Variants in EP300 observed in about 807,000 individuals in gnomAD.
EP300 encodes the protein histone acetyltransferase p300.
A neutral mutation model predicts 264.0 loss-of-function variants in EP300; 31 were observed. The ratio of observed to expected loss-of-function variants is 0.12; its 90% CI spans 0.09 to 0.16. The LOEUF (loss-of-function observed/expected upper bound fraction) is 0.16, where lower values mean the gene tolerates loss of function less well. EP300 is among the 10% of genes least tolerant of loss of function. The pLI is 1.00. For missense variants in EP300, 2,766 were observed against 3,052.9 expected, an observed-to-expected ratio of 0.91 and a Z score of 2.21; for synonymous variants, 1,340 against 1,045.4, an observed-to-expected ratio of 1.28 and a Z score of -5.44.
At chr22:41,114,172 TTTGTTG>T (rs777548118) in intron 1 of EP300, among the ~76,000 whole-genome samples, 15 of 150,496 alleles carry the variant, frequency 1.0e-4, no homozygotes, top group African/African-American at 2.4e-4. Flanking sequence ...CATTTGGGTA[TTTGTTG>T]TTGTTGTTGT....
intron 1 of EP300, among the ~76,000 whole-genome samples, chr22:41,115,256 T>C (rs572023499): frequency 6.6e-6 from 1 of 152,290 alleles, no homozygotes; most frequent in South Asian, 2.1e-4. Flanking sequence ...CAGTTTTGAT[T>C]GTCACAATTG....
At position 41,178,638 on chromosome 22, in the gene EP300, T is replaced by C; in HGVS notation, c.6927T>C (p.Ser2309=). ...IPNSLSNQVR[S]PQPVPSPRPQ... The stretch of plus-strand genomic sequence containing the variant: ...ATTCTCTCTCCAATCAAGTGCGCTC[T>C]CCCCAGCCTGTCCCTTCTCCACGGC... The change falls in exon 31 of 31, where the codon TCT becomes TCC. Residue 2309 remains serine (S), a synonymous_variant. Transcript: ENST00000263253. The C allele has an allele frequency of 6.2e-7, 1 of 1,613,962 alleles. No individual in the cohort carries two copies.
rs752160621 is a variant in EP300, at chr22:41,127,797, G to T, written c.1168+49G>T. 6 of 1,609,458 alleles carry T rather than the reference G, an allele frequency of 3.7e-6. No homozygotes were observed. In the East Asian group the frequency reaches 1.3e-4, roughly 36 times the overall value. ...GTACTTAGCAATTTTTACAGCCAGGGAGAAGAAGGAAAATGTGATCAAGTC... is the reference window on the plus strand; with the variant it reads ...GTACTTAGCAATTTTTACAGCCAGGTAGAAGAAGGAAAATGTGATCAAGTC... On this transcript the variant is annotated intron_variant, in intron 4 of 30. Transcript: ENST00000263253.
intron 19 of EP300, chr22:41,160,166 C>T (rs1217667678): frequency 2.3e-5 from 4 of 176,910 alleles, no homozygotes; most frequent in Non-Finnish European, 4.9e-5. Flanking sequence ...CATCACATAG[C>T]GTTAATTGCT....
At chr22:41,118,426 A>G (rs1172343898) in intron 2 of EP300, among the ~76,000 whole-genome samples, 2 of 152,256 alleles carry the variant, frequency 1.3e-5, no homozygotes, top group African/African-American at 4.8e-5. Flanking sequence ...TAAATAAGGC[A>G]TAATCACACA....
At chr22:41,165,066 C>T (rs2059127035) in intron 22 of EP300, among the ~76,000 whole-genome samples, 1 of 152,102 alleles carries the variant, frequency 6.6e-6, no homozygotes, top group South Asian at 2.1e-4. Flanking sequence ...CTTTTTTTCA[C>T]CGTTATTTTC....
chr22:41,139,357 T>C (rs2058969410), intron 8 of EP300, among the ~76,000 whole-genome samples: 1 of 152,238 alleles, frequency 6.6e-6, no homozygotes, highest in Non-Finnish European at 1.5e-5. Context: ...CGATCTCTTA[T>C]TTTGTGACAG....
chr22:41,132,991 ATATCTAAG>A (rs1481038269), intron 6 of EP300, among the ~76,000 whole-genome samples: 1 of 152,202 alleles, frequency 6.6e-6, no homozygotes, highest in African/African-American at 2.4e-5. Context: ...AGCAGTTCAA[ATATCTAAG>A]CTATTTTGTT....
intron 3 of EP300, among the ~76,000 whole-genome samples, chr22:41,126,729 C>CTT (rs71328775): frequency 0.064 from 3,113 of 48,748 alleles, 749 homozygotes; most frequent in Admixed American, 0.077. Context: ...GAAATGTTCA[C>CTT]TTTTTTTTTT....
intron 1 of EP300, among the ~76,000 whole-genome samples, chr22:41,093,931 A>C (rs2058688369): frequency 6.6e-6 from 1 of 152,248 alleles, no homozygotes; most frequent in African/African-American, 2.4e-5. Context: ...CTGATTGTAC[A>C]AAAGTTTAAA....
At chr22:41,170,036 C>T (rs2059161034) in intron 26 of EP300, among the ~76,000 whole-genome samples, 1 of 152,246 alleles carries the variant, frequency 6.6e-6, no homozygotes, top group South Asian at 2.1e-4. Flanking sequence ...TTTCTCTGAA[C>T]AGTGTGCCTT....
In EP300 at chr22:41,166,620, A is replaced by G; in HGVS notation, c.3828A>G (p.Leu1276=). The G allele has an allele frequency of 6.2e-7, 1 of 1,613,366 alleles. No individual in the cohort carries two copies. Among genetic ancestry groups the G allele is most frequent in the South Asian group, 1.1e-5 (1 of 90,978 alleles). Residue 1276 remains leucine, a synonymous_variant, in exon 23 of 31, where the codon TTA becomes TTG. Coordinates refer to ENST00000263253, the MANE Select transcript of EP300 (RefSeq NM_001429.4). ...WPAGFVCDGC[L]KKSARTRKEN... Reference sequence around the variant, plus strand: ...TTAGATTCGTCTGTGATGGCTGTTTAAAGAAAAGTGCACGAACTAGGAAAG... The same window carrying G: ...TTAGATTCGTCTGTGATGGCTGTTTGAAGAAAAGTGCACGAACTAGGAAAG...
intron 8 of EP300, among the ~76,000 whole-genome samples, chr22:41,139,769 C>G (rs1407874147): frequency 1.3e-5 from 2 of 152,116 alleles, no homozygotes; most frequent in African/African-American, 2.4e-5. Context: ...AGAGTGGTTA[C>G]TGAATTTTAT....
intron 1 of EP300, among the ~76,000 whole-genome samples, chr22:41,098,116 A>G (rs1475026018): frequency 6.6e-6 from 1 of 152,098 alleles, no homozygotes; most frequent in Non-Finnish European, 1.5e-5. Context: ...GTCATTTAGC[A>G]TTAGGTATAT....
chr22:41,137,543 G>A, intron 7 of EP300, 110 bp from the exon 8 acceptor site: 1 of 1,436,072 alleles, frequency 7.0e-7, no homozygotes, highest in Non-Finnish European at 9.8e-7. Context: ...AATGCGAATA[G>A]AAGTGACATA....
Position 41,177,544 on chromosome 22 carries a change from G to A in EP300, c.5833G>A (p.Val1945Met), listed in dbSNP as rs774508702. The A allele has an allele frequency of 1.1e-5, 17 of 1,614,058 alleles. No homozygotes were observed. Among genetic ancestry groups the A allele is most frequent in the South Asian group, 2.2e-5 (2 of 91,090 alleles). ...GGAGACGCAGCGCCAGATGGCCCAC[G>A]TGCAAATTTTTCAAAGGCCAATCCA... ...AAETQRQMAH[V>M]QIFQRPIQHQ... Residue 1945 changes from valine (V) to methionine (M), a missense_variant, in exon 31 of 31, where the codon GTG becomes ATG. By Grantham distance (21) the Val-to-Met change is conservative (BLOSUM62 1). Transcript: ENST00000263253.
chr22:41,102,302 G>T (rs981955071), intron 1 of EP300, among the ~76,000 whole-genome samples: 2 of 152,136 alleles, frequency 1.3e-5, no homozygotes, highest in Non-Finnish European at 2.9e-5. Flanking sequence ...TACGTATATA[G>T]TGGGAGGAAC....
At chr22:41,105,555 C>T (rs1455453844) in intron 1 of EP300, among the ~76,000 whole-genome samples, 1 of 151,760 alleles carries the variant, frequency 6.6e-6, no homozygotes, top group Non-Finnish European at 1.5e-5. Context: ...CATGCCACCA[C>T]AGCCGGCTAA....
intron 19 of EP300, 28 bp downstream of exon 19, chr22:41,158,528 T>A: frequency 6.4e-7 from 1 of 1,572,392 alleles, no homozygotes; most frequent in Non-Finnish European, 8.8e-7. Context: ...TGGACCATGG[T>A]CCATGTGTCC....
Sources: gnomAD v4.1 joint callset for allele counts (sites outside exome capture counted in the v4.1 genomes callset) on GRCh38, gnomAD v4.1.1 for gene constraint, MANE v1.5 for transcripts, NCBI Gene and HGNC (gene_info 2026-07-23, HGNC 2026-07-21) for gene names.